GFI1B: variants seen among roughly 807,000 people sequenced by gnomAD.
GFI1B encodes zinc finger protein Gfi-1b.
In GFI1B, 20 loss-of-function variants were observed where a neutral mutation model predicts 35.3. The ratio of observed to expected loss-of-function variants is 0.57; its 90% confidence interval spans 0.40 to 0.82. The LOEUF is 0.82. Among genes scored for constraint, GFI1B ranks in the 40% least tolerant of loss-of-function variants. The probability of loss-of-function intolerance (pLI) is 0.00; values close to 1 mark genes in which losing one functional copy is unlikely to be tolerated. For missense variants in GFI1B, 430 were observed against 446.3 expected (o/e 0.96, Z 0.33); for synonymous variants, 178 against 177.6 (o/e 1.00, Z -0.02).
At chr9:132,990,789 C>T (rs1034626397) in intron 6 of GFI1B, 83 bp from the exon 7 acceptor site, 1 of 1,280,660 alleles carries the variant, frequency 7.8e-7, no homozygotes, top group Non-Finnish European at 1.1e-6. Flanking sequence ...GGAAAATGAA[C>T]CCGGGGGCAG....
chr9:132,954,387 C>T (rs956540157), intron 1 of GFI1B, among the ~76,000 whole-genome samples: 1 of 151,906 alleles, frequency 6.6e-6, no homozygotes, highest in Non-Finnish European at 1.5e-5. Context: ...CCAGCCTGAC[C>T]AAAATGGTAA....
At chr9:132,981,549 G>A (rs936640629) in intron 1 of GFI1B, among the ~76,000 whole-genome samples, 6 of 151,996 alleles carry the variant, frequency 3.9e-5, no homozygotes, top group African/African-American at 1.2e-4. Context: ...AAGATGGGAG[G>A]ATCGCTTGGG....
Position 132,989,281 on chromosome 9 carries a change from C to A in GFI1B, c.648+83C>A. ...GGGAGCCTGGGGGCTGTGGCTGGGT[C>A]CCTCCCCCTGCCCCTGGGGGTGACA... is the stretch of plus-strand genomic sequence containing the variant. On this transcript the variant is annotated intron_variant, in intron 5 of 6. Coordinates refer to ENST00000372122, the MANE Select transcript of GFI1B (RefSeq NM_001377304.1). This position sits in a 1 kb window ranked among gnomAD's most constrained non-coding sequence, Gnocchi z 6.2. 3 of 1,374,690 alleles carry A rather than the reference C, an allele frequency of 2.2e-6. No homozygotes were observed. Among genetic ancestry groups the A allele is most frequent in the Non-Finnish European group, 3.1e-6 (3 of 977,852 alleles). The allele number at this position is 1,374,690 out of a possible 1,614,324, so 85.2% of individuals were successfully genotyped here.
At chr9:132,948,302 G>A (rs1848152344) in intron 1 of GFI1B, among the ~76,000 whole-genome samples, 2 of 152,168 alleles carry the variant, frequency 1.3e-5, no homozygotes, top group Non-Finnish European at 2.9e-5. Flanking sequence ...GTGACAAGTC[G>A]AGTTAAAGAG....
intron 1 of GFI1B, among the ~76,000 whole-genome samples, chr9:132,964,743 CTTTTTTTT>C (rs71376675): frequency 1.6e-4 from 17 of 107,938 alleles, no homozygotes; most frequent in Non-Finnish European, 2.2e-4. Flanking sequence ...ATTTTTCTTC[CTTTTTTTT>C]TTTTTTTTTT....
chr9:132,968,504 T>G (rs555425876), intron 1 of GFI1B, among the ~76,000 whole-genome samples: 2 of 152,204 alleles, frequency 1.3e-5, no homozygotes, highest in Non-Finnish European at 2.9e-5. Flanking sequence ...AGAAAGCATA[T>G]CTGGCAGATG....
At chr9:132,987,246 G>A (rs1479897708) in intron 2 of GFI1B, 36 bp from the exon 3 acceptor site, 9 of 1,609,264 alleles carry the variant, frequency 5.6e-6, no homozygotes, top group African/African-American at 4.0e-5. Context: ...CCCAGAAACC[G>A]TGGCTATTGA....
intron 2 of GFI1B, among the ~76,000 whole-genome samples, chr9:132,973,499 C>T (rs73660571): frequency 0.082 from 12,551 of 152,220 alleles, 576 homozygotes; most frequent in Admixed American, 0.11. Context: ...CCAGTCTCAC[C>T]GAAAAGCAAG....
intron 1 of GFI1B, among the ~76,000 whole-genome samples, chr9:132,981,687 G>A (rs1848824415): frequency 1.3e-5 from 2 of 152,088 alleles, no homozygotes; most frequent in South Asian, 4.2e-4. Flanking sequence ...ACTTTCTGCT[G>A]GGGCCCCTGG....
intron 1 of GFI1B, among the ~76,000 whole-genome samples, chr9:132,983,585 C>T (rs1647973020): frequency 6.6e-6 from 1 of 152,192 alleles, no homozygotes; most frequent in African/African-American, 2.4e-5. Flanking sequence ...TCTGACAGTG[C>T]TGGGTGGCAC....
chr9:132,962,025 C>T (rs1395977617), intron 1 of GFI1B, among the ~76,000 whole-genome samples: 1 of 151,092 alleles, frequency 6.6e-6, no homozygotes, highest in African/African-American at 2.4e-5. Context: ...ATAATGTGTG[C>T]ATTCTTTCTT....
intron 1 of GFI1B, among the ~76,000 whole-genome samples, chr9:132,945,930 A>C (rs973309647): frequency 6.6e-6 from 1 of 152,146 alleles, no homozygotes; most frequent in African/African-American, 2.4e-5. Context: ...GCCATGGTTA[A>C]GGGGGGCCAG....
At chr9:132,977,237 G>A (rs990219153), upstream of GFI1B, among the ~76,000 whole-genome samples, 1 of 152,142 alleles carries the variant, frequency 6.6e-6, no homozygotes, top group Non-Finnish European at 1.5e-5. Flanking sequence ...GGGATTACAG[G>A]CGTGAACCAC....
intron 1 of GFI1B, among the ~76,000 whole-genome samples, chr9:132,971,441 C>T (rs1360443014): frequency 1.3e-5 from 2 of 152,216 alleles, no homozygotes; most frequent in African/African-American, 2.4e-5. Flanking sequence ...TGCCCTTCCC[C>T]ATCTGAGGTT....
intron 1 of GFI1B, among the ~76,000 whole-genome samples, chr9:132,969,508 A>G (rs1352500405): frequency 1.3e-5 from 2 of 152,212 alleles, no homozygotes; most frequent in Non-Finnish European, 2.9e-5. Flanking sequence ...CGTATGGACC[A>G]ACTACATTCC....
Position 132,988,373 on chromosome 9 carries a change from G to T in GFI1B, c.415G>T (p.Gly139Cys), listed in dbSNP as rs140090505. 113 of 1,614,110 alleles carry T rather than the reference G, an allele frequency of 7.0e-5. 1 individual carries two copies. The African/African-American group carries it at 1.4e-3, about 20-fold the overall frequency. Residue 139 changes from glycine to cysteine, a missense_variant, in exon 4 of 7, where the codon GGC becomes TGC. Physicochemically the swap from Gly to Cys is radical, Grantham distance 159 (BLOSUM62 -3). Transcript: ENST00000372122. ...AFLEHSVSLY[G>C]SPLVPSTEPA... ...CCTGGAGCACTCCGTCAGCCTGTAC[G>T]GCAGTCCTCTTGTGCCCAGCACTGA...
At chr9:132,970,962 C>T (rs1848524474) in intron 1 of GFI1B, among the ~76,000 whole-genome samples, 1 of 152,188 alleles carries the variant, frequency 6.6e-6, no homozygotes, top group Admixed American at 6.5e-5. Context: ...TAACCCTAAC[C>T]CTGCCGCAAC....
rs1220485030 is a variant in GFI1B at position 132,989,777 on chromosome 9, C to T, written c.684C>T (p.Ala228=). ...TCGAGTGCCGCATGTGCGGCAAGGC[C>T]TTCAAGCGCTCGTCCACGCTGTCCA... The part of the protein sequence containing the change: ...RSFECRMCGK[A]FKRSSTLSTH... Residue 228 remains alanine (A), a synonymous_variant, in exon 6 of 7, where the codon GCC becomes GCT. Coordinates refer to ENST00000372122, the MANE Select transcript of GFI1B (RefSeq NM_001377304.1). The surrounding 1 kb of genome is among the most constrained non-coding windows in gnomAD (Gnocchi z 6.2). 6.2e-7 allele frequency: 1 copy of T among 1,614,148 alleles called. No individual in the cohort carries two copies. The highest frequency in any genetic ancestry group is 2.2e-5 in the East Asian group (1 of 44,884).
intron 1 of GFI1B, among the ~76,000 whole-genome samples, chr9:132,957,161 G>GC (rs1848295280): frequency 1.3e-5 from 2 of 152,228 alleles, no homozygotes; most frequent in African/African-American, 4.8e-5. Flanking sequence ...GGACCACACA[G>GC]GTTGTAAATT....
Sources: allele counts gnomAD v4.1 joint callset (sites outside exome capture counted in the v4.1 genomes callset), GRCh38; gene constraint gnomAD v4.1.1; non-coding constraint Gnocchi (gnomAD v3.1); transcripts MANE v1.5; gene names NCBI Gene and HGNC (gene_info 2026-07-23, HGNC 2026-07-21).